GRIK4: variants seen among roughly 807,000 people sequenced by gnomAD.
GRIK4 encodes glutamate receptor ionotropic, kainate 4.
In GRIK4, 40 loss-of-function variants were observed where a neutral mutation model predicts 104.9. The ratio of observed to expected loss-of-function variants is 0.38; its 90% CI spans 0.30 to 0.50. The LOEUF (loss-of-function observed/expected upper bound fraction) is 0.50. Among genes scored for constraint, GRIK4 ranks in the 20% least tolerant of loss-of-function variants. GRIK4 has a pLI of 0.93. For missense variants in GRIK4, 1,047 were observed against 1,308.1 expected (o/e 0.80, Z 3.08); for synonymous variants, 485 against 524.9 (o/e 0.92, Z 1.04).
chr11:120,728,565 G>A (rs967590502), intron 3 of GRIK4, among the ~76,000 whole-genome samples: 1 of 151,782 alleles, frequency 6.6e-6, no homozygotes. Context: ...GAATAGAGAT[G>A]GTATATGCAA....
At chr11:120,668,101 GGATAGATAGATA>G (rs60323501) in intron 3 of GRIK4, among the ~76,000 whole-genome samples, 2,499 of 144,192 alleles carry the variant, frequency 0.017, 34 homozygotes, top group African/African-American at 0.022. Context: ...ATAGATAGAT[GGATAGATAGATA>G]GATAGATAGA....
rs1377763967 is a variant in GRIK4, at chr11:120,952,804, T to C, written c.1591-51T>C. On this transcript the variant is annotated intron_variant, in intron 14 of 20. Coordinates refer to ENST00000527524, the MANE Select transcript of GRIK4 (RefSeq NM_014619.5). The surrounding 1 kb of genome is among the most constrained non-coding windows in gnomAD (Gnocchi z 5.2). ...CTACCCCGCCCTGCCTGCCCCAAGG[T>C]CATGTTGACTGAATATGTGCGGTGA... The C allele has an allele frequency of 7.8e-7, 1 of 1,278,678 alleles. No individual in the cohort carries two copies. Among genetic ancestry groups the C allele is most frequent in the South Asian group, 1.2e-5 (1 of 84,564 alleles). 79.2% of individuals were successfully genotyped at this position (1,278,678 alleles called of 1,614,324 possible).
At chr11:120,858,693 G>A (rs1954183404) in intron 8 of GRIK4, among the ~76,000 whole-genome samples, 3 of 152,150 alleles carry the variant, frequency 2.0e-5, no homozygotes, top group African/African-American at 7.2e-5. Flanking sequence ...GAAACCTAAT[G>A]CCCTGAGGAA....
At chr11:120,648,255 C>T (rs531433862) in intron 1 of GRIK4, among the ~76,000 whole-genome samples, 24 of 152,342 alleles carry the variant, frequency 1.6e-4, no homozygotes, top group African/African-American at 5.3e-4. Flanking sequence ...CTCTAGGCCA[C>T]TGGCAGAGGG....
chr11:120,852,972 G>C (rs538170122), intron 8 of GRIK4, among the ~76,000 whole-genome samples: 15 of 152,214 alleles, frequency 9.9e-5, no homozygotes, highest in African/African-American at 3.6e-4. Context: ...CCTGACAAGT[G>C]CTGCCTTCCT....
At chr11:120,889,589 A>T (rs79488580) in intron 11 of GRIK4, among the ~76,000 whole-genome samples, 13,473 of 62,530 alleles carry the variant, frequency 0.22, 1,391 homozygotes, top group East Asian at 0.56. Context: ...AAGAGCTTAC[A>T]TTTTTTTTTT....
At chr11:120,777,807 C>T (rs534981342) in intron 3 of GRIK4, among the ~76,000 whole-genome samples, 5 of 152,122 alleles carry the variant, frequency 3.3e-5, no homozygotes, top group East Asian at 3.9e-4. Context: ...CATGATGGCA[C>T]GCATCTGTAA....
chr11:120,901,654 T>A (rs1942741181), intron 12 of GRIK4, among the ~76,000 whole-genome samples: 1 of 152,142 alleles, frequency 6.6e-6, no homozygotes, highest in African/African-American at 2.4e-5. Flanking sequence ...AATTCCTTCC[T>A]ACAGGGTAGG....
At chr11:120,629,467 C>T (rs565094362) in intron 1 of GRIK4, among the ~76,000 whole-genome samples, 17 of 152,210 alleles carry the variant, frequency 1.1e-4, no homozygotes, top group South Asian at 1.0e-3. Context: ...TACGACTGCC[C>T]GACTTCTGCC....
intron 1 of GRIK4, among the ~76,000 whole-genome samples, chr11:120,652,545 T>C (rs1263990366): frequency 6.6e-6 from 1 of 152,124 alleles, no homozygotes; most frequent in Non-Finnish European, 1.5e-5. Context: ...GGCTGCTGGC[T>C]GCCACTTGGA....
chr11:120,597,275 C>T (rs1470875601), intron 1 of GRIK4, among the ~76,000 whole-genome samples: 1 of 152,204 alleles, frequency 6.6e-6, no homozygotes, highest in African/African-American at 2.4e-5. Context: ...TGCTGGGTGA[C>T]GGGGCAAGTG....
intron 8 of GRIK4, 46 bp downstream of exon 8, chr11:120,836,890 G>C (rs1337400658): frequency 8.2e-7 from 1 of 1,219,488 alleles, no homozygotes; most frequent in Admixed American, 1.7e-5. Flanking sequence ...AGTGTTGTCA[G>C]TGGTCAGGAT....
intron 11 of GRIK4, among the ~76,000 whole-genome samples, chr11:120,880,805 C>G (rs1402272168): frequency 2.0e-5 from 3 of 152,228 alleles, no homozygotes; most frequent in Admixed American, 6.5e-5. Context: ...CTTACCAGCT[C>G]TTCAAATATT....
chr11:120,665,509 T>G (rs1949898486), intron 3 of GRIK4, among the ~76,000 whole-genome samples: 1 of 152,192 alleles, frequency 6.6e-6, no homozygotes, highest in Admixed American at 6.5e-5. Flanking sequence ...TTCTTATTCA[T>G]GTCTGTATTT....
intron 3 of GRIK4, among the ~76,000 whole-genome samples, chr11:120,788,776 T>G (rs3133861): frequency 0.9 from 136,343 of 151,348 alleles, 61,587 homozygotes; most frequent in East Asian, 0.99. Context: ...TCCTTGGAGG[T>G]TGTGCTTCCC....
chr11:120,902,857 C>T lies in GRIK4; in HGVS notation c.1273-2433C>T, dbSNP rs112063128. ...CAGGGAGAAGCCCTTGTGCTGAGGA[C>T]GGCGTGTGTGGAAGGCAGGCTGACC... is the stretch of plus-strand genomic sequence containing the variant. On this transcript the variant is annotated intron_variant, in intron 12 of 20. Transcript: ENST00000527524. This position sits in a 1 kb window ranked among gnomAD's most constrained non-coding sequence, Gnocchi z 4.5. Among the ~76,000 whole-genome samples the T allele has an allele frequency of 4.8e-3, 732 of 152,220 alleles. 6 individuals carry two copies. Among genetic ancestry groups the T allele is most frequent in the African/African-American group, 0.017 (701 of 41,512 alleles).
At chr11:120,936,790 T>C (rs1233890592) in intron 13 of GRIK4, 1 of 152,352 alleles carries the variant, frequency 6.6e-6, no homozygotes, top group African/African-American at 2.4e-5. Flanking sequence ...AAAATCCAGG[T>C]CTTCTGATGT....
chr11:120,568,357 C>T (rs1200567732), intron 1 of GRIK4, among the ~76,000 whole-genome samples: 1 of 151,958 alleles, frequency 6.6e-6, no homozygotes, highest in Admixed American at 6.5e-5. Context: ...TGGAGATGTA[C>T]ACCACCTTCT....
At position 120,511,790 on chromosome 11, in the gene GRIK4, GGCT is replaced by G; in HGVS notation, c.-250_-248del. The G allele has an allele frequency of 2.8e-6, 1 of 359,960 alleles. No homozygotes were observed. The highest frequency in any genetic ancestry group is 1.9e-5 in the South Asian group (1 of 53,718). 22.3% of individuals were successfully genotyped at this position (359,960 alleles called of 1,614,324 possible). On this transcript the variant is annotated 5_prime_UTR_variant, in exon 1 of 21. Transcript: ENST00000527524. The stretch of plus-strand genomic sequence containing the variant: ...GGGCGGATCGGGCTGGAGCCGCCAC[GGCT>G]GCTGCGGAAGAGGAAAAACGGCCAA...
Sources: allele counts gnomAD v4.1 joint callset (sites outside exome capture counted in the v4.1 genomes callset), GRCh38; gene constraint gnomAD v4.1.1; non-coding constraint Gnocchi (gnomAD v3.1); transcripts MANE v1.5; gene names NCBI Gene and HGNC (gene_info 2026-07-23, HGNC 2026-07-21).